The following KCNAB1 variants were observed in gnomAD, a reference collection of about 807,000 sequenced individuals.
KCNAB1 encodes voltage-gated potassium channel subunit beta-1.
KCNAB1 carries 35 observed loss-of-function variants against 64.6 expected under a neutral mutation model. That is an observed-to-expected ratio of 0.54 (90% CI 0.41 to 0.72). KCNAB1 has a LOEUF of 0.72. KCNAB1 is among the 30% of genes least tolerant of loss of function. KCNAB1 has a pLI of 0.00. For synonymous variants in KCNAB1, 177 were observed against 183.8 expected (o/e 0.96, Z 0.30); for missense variants, 401 against 512.9 (o/e 0.78, Z 2.11).
intron 1 of KCNAB1, among the ~76,000 whole-genome samples, chr3:156,283,469 T>C (rs2108507002): frequency 6.7e-6 from 1 of 148,792 alleles, no homozygotes; most frequent in East Asian, 2.0e-4. Context: ...TCGAGGAGTA[T>C]CTTTGTGGCG....
chr3:156,357,717 C>T (rs185204592), intron 1 of KCNAB1, among the ~76,000 whole-genome samples: 2,001 of 151,476 alleles, frequency 0.013, 17 homozygotes, highest in South Asian at 0.031. Flanking sequence ...AGTATTATCA[C>T]TTCAATATGT....
rs148940931 is a variant in KCNAB1, at chr3:156,499,065, A to T, written c.659-15299A>T. Among the ~76,000 whole-genome samples the T allele has an allele frequency of 6.4e-4, 98 of 152,358 alleles. 1 individual carries two copies. Among genetic ancestry groups the T allele is most frequent in the African/African-American group, 2.3e-3 (97 of 41,588 alleles). On this transcript the variant is annotated intron_variant, in intron 8 of 13. Transcript: ENST00000490337. ...TGTTGACATTTTGGTGGACCAAAGA[A>T]TGATAATGTTTGCTTATTATGAGAG... is the stretch of plus-strand genomic sequence containing the variant.
At chr3:156,238,317 G>A (rs750458674) in intron 1 of KCNAB1, among the ~76,000 whole-genome samples, 15 of 151,814 alleles carry the variant, frequency 9.9e-5, no homozygotes, top group Non-Finnish European at 1.9e-4. Flanking sequence ...AGCTCCTCGG[G>A]AGGCTGAGGC....
At chr3:156,469,434 T>A (rs573606115) in intron 7 of KCNAB1, among the ~76,000 whole-genome samples, 17 of 152,034 alleles carry the variant, frequency 1.1e-4, no homozygotes, top group African/African-American at 3.6e-4. Flanking sequence ...TTTTTTTGTA[T>A]TTTTAGTAGA....
chr3:156,473,008 A>G (rs951980694), intron 7 of KCNAB1, among the ~76,000 whole-genome samples: 1 of 152,180 alleles, frequency 6.6e-6, no homozygotes, highest in African/African-American at 2.4e-5. Flanking sequence ...GAGAACGGAG[A>G]GAGAGGGCCA....
chr3:156,388,638 G>C (rs899715869), intron 1 of KCNAB1, among the ~76,000 whole-genome samples: 2 of 152,160 alleles, frequency 1.3e-5, no homozygotes, highest in African/African-American at 4.8e-5. Context: ...AGGAAGTCGA[G>C]GTAAATTTGC....
chr3:156,319,346 C>T (rs1218048127), intron 1 of KCNAB1, among the ~76,000 whole-genome samples: 1 of 152,228 alleles, frequency 6.6e-6, no homozygotes, highest in Non-Finnish European at 1.5e-5. Context: ...TGGAAGTTCA[C>T]TCTGCATTGT....
chr3:156,472,596 A>T (rs966355109), intron 7 of KCNAB1, among the ~76,000 whole-genome samples: 6 of 152,204 alleles, frequency 3.9e-5, no homozygotes, highest in African/African-American at 1.4e-4. Flanking sequence ...GGCCTCAGAT[A>T]CTTGAATTTC....
intron 1 of KCNAB1, among the ~76,000 whole-genome samples, chr3:156,282,060 G>C (rs1292845401): frequency 1.3e-5 from 2 of 150,668 alleles, no homozygotes; most frequent in Non-Finnish European, 1.5e-5. Flanking sequence ...GTGATGTTAG[G>C]GTATCAATTT....
intron 1 of KCNAB1, among the ~76,000 whole-genome samples, chr3:156,310,608 C>T (rs1217074156): frequency 1.3e-5 from 2 of 152,110 alleles, no homozygotes; most frequent in African/African-American, 4.8e-5. Context: ...TCGAGACCAT[C>T]CTGGCTAACA....
chr3:156,148,136 C>G (rs1218429539), intron 1 of KCNAB1, among the ~76,000 whole-genome samples: 2 of 152,168 alleles, frequency 1.3e-5, no homozygotes, highest in Non-Finnish European at 2.9e-5. Context: ...CATTGAGTCT[C>G]TACTCATCAT....
intron 1 of KCNAB1, among the ~76,000 whole-genome samples, chr3:156,259,710 CCTTGTCTTTGGGA>C (rs1718316884): frequency 6.6e-6 from 1 of 152,176 alleles, no homozygotes; most frequent in Non-Finnish European, 1.5e-5. Context: ...AGCTGTCCTG[CCTTGTCTTTGGGA>C]CACTCTGCTG....
At chr3:156,526,149 C>G (rs1362031812) in intron 12 of KCNAB1, among the ~76,000 whole-genome samples, 1 of 152,176 alleles carries the variant, frequency 6.6e-6, no homozygotes, top group Non-Finnish European at 1.5e-5. Flanking sequence ...GTATTCAGTA[C>G]AGTAACATGC....
At chr3:156,319,718 C>T (rs1447592885) in intron 1 of KCNAB1, among the ~76,000 whole-genome samples, 1 of 152,108 alleles carries the variant, frequency 6.6e-6, no homozygotes, top group Admixed American at 6.5e-5. Flanking sequence ...TACATTTTTT[C>T]CCTAAGACTA....
chr3:156,383,524 T>C (rs1378691922), intron 1 of KCNAB1, among the ~76,000 whole-genome samples: 1 of 152,084 alleles, frequency 6.6e-6, no homozygotes. Flanking sequence ...AAGTCTGGCA[T>C]CCTAGGAATT....
chr3:156,418,544 G>A (rs1411720213), intron 1 of KCNAB1, among the ~76,000 whole-genome samples: 3 of 152,202 alleles, frequency 2.0e-5, no homozygotes, highest in Non-Finnish European at 4.4e-5. Flanking sequence ...GATAGAGACA[G>A]GAGGATGCAG....
chr3:156,240,849 A>C (rs910695967), intron 1 of KCNAB1, among the ~76,000 whole-genome samples: 4 of 152,200 alleles, frequency 2.6e-5, no homozygotes, highest in Admixed American at 2.6e-4. Flanking sequence ...CCAGTAGGGG[A>C]GGAAGGAAGT....
At chr3:156,442,509 ATAAACCT>A (rs1717074748) in intron 2 of KCNAB1, among the ~76,000 whole-genome samples, 1 of 152,246 alleles carries the variant, frequency 6.6e-6, no homozygotes, top group African/African-American at 2.4e-5. Flanking sequence ...ACTGAAATAC[ATAAACCT>A]TAAATCTAAG....
intron 1 of KCNAB1, among the ~76,000 whole-genome samples, chr3:156,371,109 C>T (rs1004765006): frequency 6.6e-6 from 1 of 152,186 alleles, no homozygotes; most frequent in African/African-American, 2.4e-5. Flanking sequence ...ATGGAACACA[C>T]ATTGAGAAGT....
Sources: allele counts gnomAD v4.1 joint callset (sites outside exome capture counted in the v4.1 genomes callset), GRCh38; gene constraint gnomAD v4.1.1; transcripts MANE v1.5; gene names NCBI Gene and HGNC (gene_info 2026-07-23, HGNC 2026-07-21).